The following TASOR variants were observed in gnomAD, a reference collection of about 807,000 sequenced individuals.
TASOR encodes the protein transcription activation suppressor.
A neutral mutation model predicts 178.6 loss-of-function variants in TASOR; 53 were observed. That is an observed-to-expected ratio of 0.30 (90% CI 0.24 to 0.37). The LOEUF is 0.37. Among genes scored for constraint, TASOR ranks in the 10% least tolerant of loss-of-function variants. TASOR has a pLI of 1.00. For missense variants in TASOR, 1,815 were observed against 1,971.4 expected (o/e 0.92, Z 1.50); for synonymous variants, 713 against 696.2 (o/e 1.02, Z -0.38).
intron 14 of TASOR, among the ~76,000 whole-genome samples, chr3:56,643,845 TAA>T (rs1387876540): frequency 1.3e-5 from 2 of 150,400 alleles, no homozygotes; most frequent in East Asian, 3.9e-4. Flanking sequence ...TAAAAAGAAA[TAA>T]GTAAGAAACA....
chr3:56,625,777 C>T (rs1479141037), intron 21 of TASOR, among the ~76,000 whole-genome samples: 1 of 151,850 alleles, frequency 6.6e-6, no homozygotes, highest in Non-Finnish European at 1.5e-5. Flanking sequence ...GTGTATGCCA[C>T]CACACCCAGC....
At chr3:56,655,622 A>C (rs1191656621) in intron 11 of TASOR, among the ~76,000 whole-genome samples, 2 of 152,174 alleles carry the variant, frequency 1.3e-5, no homozygotes, top group East Asian at 3.9e-4. Context: ...TTTAAAAAAT[A>C]GATAAATTTT....
At chr3:56,669,833 C>G (rs888457328) in intron 4 of TASOR, 42 bp from the exon 5 acceptor site, 1 of 1,369,816 alleles carries the variant, frequency 7.3e-7, no homozygotes, top group Non-Finnish European at 1.0e-6. Flanking sequence ...TTATATTTTT[C>G]AAAATCACTA....
intron 5 of TASOR, among the ~76,000 whole-genome samples, 184 bp from the exon 6 acceptor site, chr3:56,668,742 G>A (rs566590729): frequency 6.6e-6 from 1 of 151,948 alleles, no homozygotes; most frequent in Non-Finnish European, 1.5e-5. Flanking sequence ...GGGAGGCCAA[G>A]GCAGGCGGAT....
At chr3:56,629,949 A>G (rs1328078706) in intron 18 of TASOR, among the ~76,000 whole-genome samples, 1 of 148,940 alleles carries the variant, frequency 6.7e-6, no homozygotes. Context: ...GTAAATTACC[A>G]TCTGACATGC....
intron 23 of TASOR, chr3:56,623,790 A>G: frequency 6.4e-7 from 1 of 1,551,458 alleles, no homozygotes; most frequent in South Asian, 1.2e-5. Flanking sequence ...GTTCACGTTT[A>G]ATGTTGGGAA....
chr3:56,643,745 A>T (rs544057054), intron 14 of TASOR, among the ~76,000 whole-genome samples: 2 of 143,042 alleles, frequency 1.4e-5, no homozygotes, highest in East Asian at 4.2e-4. Context: ...ACAGAGCGAG[A>T]CTCCGTCTCA....
rs9682397 is a variant in TASOR, at chr3:56,631,728, C to T, written c.3747+1316G>A. ...CCTCCTGAGTAGCTGGGACTACAGG[C>T]GCCTGCCCCCATGCCCGGCTAATTT... On this transcript the variant is annotated intron_variant, in intron 18 of 23. Transcript: ENST00000683822. 2.6e-5 allele frequency among the ~76,000 whole-genome samples: 4 copies of T among 152,036 alleles called. No individual in the cohort carries two copies. In the South Asian group the frequency reaches 8.3e-4, roughly 32 times the overall value.
intron 11 of TASOR, among the ~76,000 whole-genome samples, chr3:56,653,771 CCT>C (rs1354267592): frequency 2.0e-5 from 3 of 151,794 alleles, no homozygotes; most frequent in Admixed American, 6.6e-5. Context: ...CAAAAGTATC[CCT>C]GTTTCCCTAT....
rs916100947 is a variant in TASOR at position 56,677,258 on chromosome 3, T to C, written c.332-3533A>G. ...GGGTCACTATTTGAGGTAGTAATAATAAACAACCCTGTGTCTATCCAAATA... is the reference window on the plus strand; with the variant it reads ...GGGTCACTATTTGAGGTAGTAATAACAAACAACCCTGTGTCTATCCAAATA... On this transcript the variant is annotated intron_variant, in intron 1 of 23. Coordinates refer to ENST00000683822, the MANE Select transcript of TASOR (RefSeq NM_001365635.2). Among the ~76,000 whole-genome samples the C allele has an allele frequency of 9.2e-5, 14 of 152,326 alleles. No individual in the cohort carries two copies. The South Asian group carries it at 1.4e-3, about 16-fold the overall frequency.
chr3:56,660,380 C>T (rs1229186774), intron 11 of TASOR, among the ~76,000 whole-genome samples: 1 of 150,948 alleles, frequency 6.6e-6, no homozygotes, highest in Non-Finnish European at 1.5e-5. Context: ...ATCCCAGCTA[C>T]TCAGGAGGCT....
intron 17 of TASOR, 43 bp from the exon 18 acceptor site, chr3:56,634,009 A>G (rs772274297): frequency 1.7e-5 from 25 of 1,439,580 alleles, no homozygotes; most frequent in Non-Finnish European, 2.3e-5. Context: ...ATCCAAAAAG[A>G]TAAGATATGA....
At chr3:56,662,621 A>G in intron 8 of TASOR, 131 bp from the exon 9 acceptor site, 1 of 514,314 alleles carries the variant, frequency 1.9e-6, no homozygotes. Context: ...AAAAAAAAAC[A>G]GTGACTCTTC....
intron 1 of TASOR, among the ~76,000 whole-genome samples, chr3:56,680,342 C>G (rs891204385): frequency 6.6e-6 from 1 of 152,130 alleles, no homozygotes; most frequent in African/African-American, 2.4e-5. Flanking sequence ...AGGCACTATA[C>G]AAGTGTTTGC....
intron 11 of TASOR, among the ~76,000 whole-genome samples, chr3:56,649,651 A>G (rs1034503116): frequency 2.0e-5 from 3 of 152,250 alleles, no homozygotes; most frequent in African/African-American, 7.2e-5. Context: ...CATAAGACAG[A>G]AAAGTTCCCT....
rs2076725841 is a variant in TASOR at position 56,623,181 on chromosome 3, T to C, written c.4869A>G (p.Pro1623=). 3 of 1,613,826 alleles carry C rather than the reference T, an allele frequency of 1.9e-6. No individual in the cohort carries two copies. Among genetic ancestry groups the C allele is most frequent in the East Asian group, 2.2e-5 (1 of 44,834 alleles). ...GAGACTGACTTGATGAAAGGGCATA[T>C]GGTGTCCCCAAAAATGTCTGATGAG... ...VLTHQTFLGT[P]YALSSSQSQE... is the part of the protein sequence containing the mutation. The change falls in exon 24 of 24, where the codon CCA becomes CCG. Residue 1623 remains proline (P), a synonymous_variant. Coordinates refer to ENST00000683822, the MANE Select transcript of TASOR (RefSeq NM_001365635.2).
chr3:56,646,925 G>T lies in TASOR; in HGVS notation c.1812C>A (p.Ala604=). ...GATACACTTCAGGCCGAAAAATATA[G>T]GCATGCAAACAAGTATCAATATGGG... ...NKSHIDTCLH[A]YIFRPEVYQL... Residue 604 remains alanine, a synonymous_variant, in exon 14 of 24, where the codon GCC becomes GCA. Transcript: ENST00000683822. 1 of 1,611,802 alleles carries T rather than the reference G, an allele frequency of 6.2e-7. No homozygotes were observed. The highest frequency in any genetic ancestry group is 8.5e-7 in the Non-Finnish European group (1 of 1,179,542).
At chr3:56,670,696 G>T (rs1232255166) in intron 3 of TASOR, among the ~76,000 whole-genome samples, 1 of 152,030 alleles carries the variant, frequency 6.6e-6, no homozygotes, top group African/African-American at 2.4e-5. Flanking sequence ...AGCACTTTGG[G>T]AGGCCAAGGC....
At position 56,648,631 on chromosome 3, in the gene TASOR, C is replaced by CAA. The variant is rs56218279; in HGVS notation, c.1513+189_1513+190dup. 3.0e-3 allele frequency among the ~76,000 whole-genome samples: 257 copies of CAA among 84,530 alleles called. 6 individuals are homozygous for CAA. In the East Asian group the frequency reaches 0.037, roughly 12 times the overall value. The allele number at this position is 84,530 out of a possible 152,430, so 55.5% of individuals were successfully genotyped here. A position where few individuals can be genotyped will look rare whatever the true frequency, so the allele number is the denominator to read the frequency against. On this transcript the variant is annotated intron_variant, in intron 13 of 23. Coordinates refer to ENST00000683822, the MANE Select transcript of TASOR (RefSeq NM_001365635.2). ...GGGCAAGAAGAGCAAAACTCTGTAT[C>CAA]AAAAAAAAAAAAAAAAAAAAAAAAA...
Sources: allele counts gnomAD v4.1 joint callset (sites outside exome capture counted in the v4.1 genomes callset), GRCh38; gene constraint gnomAD v4.1.1; transcripts MANE v1.5; gene names NCBI Gene and HGNC (gene_info 2026-07-23, HGNC 2026-07-21).